The following KCNH1 variants were observed in gnomAD, a reference collection of about 807,000 sequenced individuals.
KCNH1 encodes the protein potassium voltage-gated channel subfamily H member 1, also known as voltage-gated delayed rectifier potassium channel KCNH1.
KCNH1 carries 27 observed loss-of-function variants against 69.2 expected under a neutral mutation model. The ratio of observed to expected loss-of-function variants is 0.39; its 90% CI spans 0.29 to 0.54. The LOEUF (loss-of-function observed/expected upper bound fraction) is 0.54. Among genes scored for constraint, KCNH1 ranks in the 20% least tolerant of loss-of-function variants. KCNH1 has a pLI of 0.68. For missense variants in KCNH1, 798 were observed against 1,261.6 expected, an observed-to-expected ratio of 0.63 and a Z score of 5.57; for synonymous variants, 456 against 487.7, an observed-to-expected ratio of 0.93 and a Z score of 0.86.
chr1:210,776,998 A>G (rs778738111), intron 9 of KCNH1, among the ~76,000 whole-genome samples: 2 of 152,204 alleles, frequency 1.3e-5, no homozygotes, highest in Non-Finnish European at 2.9e-5. Context: ...CCAGGGAGCC[A>G]ACGAGGAGTA....
chr1:211,060,719 G>A (rs965051376), intron 5 of KCNH1, among the ~76,000 whole-genome samples: 2 of 151,962 alleles, frequency 1.3e-5, no homozygotes, highest in South Asian at 2.1e-4. Context: ...AGAAGAAATG[G>A]GTAAATTCCT....
rs1050318960 is a variant in KCNH1, at chr1:211,083,017, T to C, written c.440-119A>G. ...CCTCCAATGCCCTCCTAAGCTCCCA[T>C]GAGTCACTCTGCATCCCTGCAAGCA... is the stretch of plus-strand genomic sequence containing the variant. On this transcript the variant is annotated intron_variant, in intron 4 of 10. Coordinates refer to ENST00000271751, the MANE Select transcript of KCNH1 (RefSeq NM_172362.3). 3 of 753,028 alleles carry C rather than the reference T, an allele frequency of 4.0e-6. No individual in the cohort carries two copies. In the African/African-American group the frequency reaches 5.2e-5, roughly 13 times the overall value. 46.6% of individuals were successfully genotyped at this position (753,028 alleles called of 1,614,324 possible). A position where few individuals can be genotyped will look rare whatever the true frequency, so the allele number is the denominator to read the frequency against.
At chr1:210,925,334 A>G (rs1398664643) in intron 6 of KCNH1, among the ~76,000 whole-genome samples, 3 of 152,248 alleles carry the variant, frequency 2.0e-5, no homozygotes, top group African/African-American at 4.8e-5. Flanking sequence ...TGCTCCAAGA[A>G]CTACTGCAGG....
At chr1:211,048,492 T>TAC (rs1157192926) in intron 5 of KCNH1, among the ~76,000 whole-genome samples, 2 of 152,112 alleles carry the variant, frequency 1.3e-5, no homozygotes, top group Admixed American at 6.6e-5. Flanking sequence ...TATATACATA[T>TAC]ACCACGGAAT....
intron 6 of KCNH1, among the ~76,000 whole-genome samples, chr1:210,999,446 C>T (rs1484768301): frequency 2.0e-5 from 3 of 152,158 alleles, no homozygotes; most frequent in East Asian, 1.9e-4. Flanking sequence ...CACATACACC[C>T]TCCCAAGACT....
At chr1:210,897,047 C>T (rs879624063) in intron 7 of KCNH1, among the ~76,000 whole-genome samples, 5 of 152,214 alleles carry the variant, frequency 3.3e-5, no homozygotes, top group Admixed American at 3.3e-4. Context: ...AAGGAGCACT[C>T]CATGGCCCAG....
intron 10 of KCNH1, among the ~76,000 whole-genome samples, chr1:210,688,154 C>T (rs1258243242): frequency 6.6e-6 from 1 of 152,194 alleles, no homozygotes; most frequent in Non-Finnish European, 1.5e-5. Context: ...TTATATGCAG[C>T]ATTTCTTAAG....
At chr1:210,816,729 AAC>A (rs1684824521) in intron 7 of KCNH1, among the ~76,000 whole-genome samples, 1 of 152,238 alleles carries the variant, frequency 6.6e-6, no homozygotes, top group African/African-American at 2.4e-5. Context: ...CATTTAAAAT[AAC>A]ACATAATTTT....
chr1:210,788,120 A>AT (rs1393199005), intron 9 of KCNH1, among the ~76,000 whole-genome samples: 4 of 152,246 alleles, frequency 2.6e-5, no homozygotes, highest in African/African-American at 9.6e-5. Context: ...GGATGAGAAC[A>AT]TTGTTTTTTC....
At chr1:210,727,359 T>C (rs1682624199) in intron 10 of KCNH1, among the ~76,000 whole-genome samples, 1 of 152,190 alleles carries the variant, frequency 6.6e-6, no homozygotes, top group Non-Finnish European at 1.5e-5. Context: ...AGGCCTCTGC[T>C]TAAAATATAT....
intron 7 of KCNH1, among the ~76,000 whole-genome samples, chr1:210,837,799 T>A (rs1296781434): frequency 6.6e-6 from 1 of 152,150 alleles, no homozygotes; most frequent in African/African-American, 2.4e-5. Flanking sequence ...ACAGTACCTA[T>A]CTGATAGAGT....
At chr1:211,042,126 C>T (rs1690006501) in intron 5 of KCNH1, among the ~76,000 whole-genome samples, 1 of 152,186 alleles carries the variant, frequency 6.6e-6, no homozygotes, top group Non-Finnish European at 1.5e-5. Context: ...TCCTACTTTC[C>T]ATGTGGGTGA....
At chr1:210,940,785 A>G (rs1687863192) in intron 6 of KCNH1, among the ~76,000 whole-genome samples, 1 of 152,252 alleles carries the variant, frequency 6.6e-6, no homozygotes, top group Non-Finnish European at 1.5e-5. Flanking sequence ...CCATCTTCTC[A>G]GAATACAAAT....
At chr1:210,881,133 T>C (rs540202108) in intron 7 of KCNH1, among the ~76,000 whole-genome samples, 1 of 152,054 alleles carries the variant, frequency 6.6e-6, no homozygotes, top group African/African-American at 2.4e-5. Context: ...TTCTCGTGCC[T>C]CAGCTTCCCA....
At chr1:210,923,734 G>A (rs1042691098) in intron 6 of KCNH1, among the ~76,000 whole-genome samples, 1 of 152,184 alleles carries the variant, frequency 6.6e-6, no homozygotes, top group Non-Finnish European at 1.5e-5. Context: ...TTAATTTCCT[G>A]CACCTATTTC....
chr1:210,701,748 T>G (rs1045724173), intron 10 of KCNH1, among the ~76,000 whole-genome samples: 8 of 152,238 alleles, frequency 5.3e-5, no homozygotes, highest in Admixed American at 5.2e-4. Flanking sequence ...CTAAAAACAG[T>G]AGTTCCATTT....
chr1:210,870,069 C>A (rs1686207022), intron 7 of KCNH1, among the ~76,000 whole-genome samples: 1 of 152,098 alleles, frequency 6.6e-6, no homozygotes. Context: ...TATCTCCAGG[C>A]AGAAAGTTGG....
chr1:210,861,852 C>T, intron 7 of KCNH1: 1 of 760,292 alleles, frequency 1.3e-6, no homozygotes, highest in Admixed American at 1.8e-5. Context: ...TAATTCCTAT[C>T]CAACAAGCAC....
At chr1:210,898,348 T>G (rs968439094) in intron 7 of KCNH1, among the ~76,000 whole-genome samples, 2 of 152,176 alleles carry the variant, frequency 1.3e-5, no homozygotes, top group African/African-American at 2.4e-5. Flanking sequence ...CAATAAATAT[T>G]TATAAACCTC....
Sources: gnomAD v4.1 joint callset for allele counts (sites outside exome capture counted in the v4.1 genomes callset) on GRCh38, gnomAD v4.1.1 for gene constraint, MANE v1.5 for transcripts, NCBI Gene and HGNC (gene_info 2026-07-23, HGNC 2026-07-21) for gene names.